Variants in MITF observed in about 807,000 individuals in gnomAD.
MITF encodes the protein microphthalmia-associated transcription factor.
MITF carries 17 observed loss-of-function variants against 60.5 expected under a neutral mutation model. The ratio of observed to expected loss-of-function variants is 0.28; its 90% CI spans 0.19 to 0.42. The LOEUF (loss-of-function observed/expected upper bound fraction) is 0.42, where lower values mean the gene tolerates loss of function less well. Among genes scored for constraint, MITF ranks in the 10% least tolerant of loss-of-function variants. The pLI, the probability that MITF is intolerant of heterozygous loss-of-function variation, is 1.00. For synonymous variants in MITF, 260 were observed against 248.5 expected (o/e 1.05, Z -0.43); for missense variants, 622 against 683.5 (o/e 0.91, Z 1.00).
At chr3:69,879,881 ACTGAAGTGAGTTGT>A (rs1313235711) in intron 2 of MITF, among the ~76,000 whole-genome samples, 1 of 152,160 alleles carries the variant, frequency 6.6e-6, no homozygotes, top group African/African-American at 2.4e-5. Context: ...TAATCCTTTT[ACTGAAGTGAGTTGT>A]CTGCTTTGGG....
At chr3:69,838,124 G>A (rs2063567986) in intron 1 of MITF, among the ~76,000 whole-genome samples, 1 of 152,154 alleles carries the variant, frequency 6.6e-6, no homozygotes, top group Non-Finnish European at 1.5e-5. Flanking sequence ...AATGAAAGAA[G>A]ATAGAGTAGA....
At chr3:69,793,194 T>G (rs944909339) in intron 1 of MITF, among the ~76,000 whole-genome samples, 6 of 151,456 alleles carry the variant, frequency 4.0e-5, no homozygotes, top group Admixed American at 3.9e-4. Flanking sequence ...TTTTGTATTT[T>G]TTGTAGAGAT....
At chr3:69,868,635 T>G (rs992391972) in intron 1 of MITF, among the ~76,000 whole-genome samples, 4 of 152,122 alleles carry the variant, frequency 2.6e-5, no homozygotes, top group Admixed American at 2.6e-4. Flanking sequence ...GCGCGGTGGC[T>G]CACGCCTGTA....
rs182612842 is a variant in MITF at position 69,919,940 on chromosome 3, T to C, written c.355-17882T>C. On this transcript the variant is annotated intron_variant, in intron 2 of 9. Coordinates refer to ENST00000352241, the MANE Select transcript of MITF (RefSeq NM_001354604.2). ...ACCGAGGACACCAGCTGTTCCAGTATAATAAAATATAAAACAAGAATAGTT... is the reference window on the plus strand; with the variant it reads ...ACCGAGGACACCAGCTGTTCCAGTACAATAAAATATAAAACAAGAATAGTT... Among the ~76,000 whole-genome samples, 5 of 152,300 alleles carry C rather than the reference T, an allele frequency of 3.3e-5. No individual in the cohort carries two copies. In the East Asian group the frequency reaches 9.6e-4, roughly 29 times the overall value.
chr3:69,895,523 A>G (rs2064854383), intron 2 of MITF, among the ~76,000 whole-genome samples: 1 of 151,982 alleles, frequency 6.6e-6, no homozygotes, highest in Non-Finnish European at 1.5e-5. Flanking sequence ...CCTAAAGTCT[A>G]TATTAAATAT....
intron 1 of MITF, among the ~76,000 whole-genome samples, chr3:69,753,599 A>G (rs1469334873): frequency 1.3e-5 from 2 of 152,224 alleles, no homozygotes; most frequent in Admixed American, 1.3e-4. Context: ...TGAACCCTGC[A>G]AAGCCACAGG....
intron 5 of MITF, among the ~76,000 whole-genome samples, chr3:69,944,890 AT>A: frequency 6.6e-6 from 1 of 151,658 alleles, no homozygotes; most frequent in African/African-American, 2.4e-5. Context: ...ACCTATTAAC[AT>A]TTTAATTTTT....
At chr3:69,961,101 G>A (rs2066531060) in intron 9 of MITF, among the ~76,000 whole-genome samples, 1 of 152,162 alleles carries the variant, frequency 6.6e-6, no homozygotes, top group Non-Finnish European at 1.5e-5. Flanking sequence ...AAAGCAGCTT[G>A]TGGGCCGGGC....
chr3:69,927,264 C>T (rs1193105510), intron 2 of MITF, among the ~76,000 whole-genome samples: 1 of 152,032 alleles, frequency 6.6e-6, no homozygotes, highest in Non-Finnish European at 1.5e-5. Context: ...TAGATTAACA[C>T]AGTAACGGAA....
chr3:69,906,389 ATTGTTTTTTG>A (rs1003182916), intron 2 of MITF, among the ~76,000 whole-genome samples: 10 of 152,070 alleles, frequency 6.6e-5, no homozygotes, highest in African/African-American at 1.9e-4. Context: ...TGACCTCCAA[ATTGTTTTTTG>A]TTGTTTTTTG....
chr3:69,829,836 A>G (rs1168196958), intron 1 of MITF, among the ~76,000 whole-genome samples: 2 of 152,140 alleles, frequency 1.3e-5, no homozygotes, highest in Non-Finnish European at 2.9e-5. Context: ...CCAGGTAACA[A>G]ATGTAGGTGA....
At chr3:69,893,212 C>A (rs987782134) in intron 2 of MITF, among the ~76,000 whole-genome samples, 13 of 152,168 alleles carry the variant, frequency 8.5e-5, no homozygotes, top group African/African-American at 3.1e-4. Flanking sequence ...CATAAGATAT[C>A]CCCTGAGGAC....
At chr3:69,920,936 C>T (rs1023573286) in intron 2 of MITF, among the ~76,000 whole-genome samples, 6 of 152,170 alleles carry the variant, frequency 3.9e-5, no homozygotes, top group Non-Finnish European at 7.4e-5. Context: ...GGCTCGACCT[C>T]GGCTCACTGC....
At chr3:69,912,129 A>C (rs899886134) in intron 2 of MITF, among the ~76,000 whole-genome samples, 1 of 152,238 alleles carries the variant, frequency 6.6e-6, no homozygotes, top group Non-Finnish European at 1.5e-5. Context: ...TGATAAAAGC[A>C]AGTTTGTTCA....
intron 1 of MITF, 25 bp downstream of exon 1, chr3:69,739,726 G>T (rs200190536): frequency 1.3e-6 from 2 of 1,525,382 alleles, no homozygotes; most frequent in Non-Finnish European, 1.8e-6. Context: ...CTGGGCAGAG[G>T]CGCACCGGGC....
At chr3:69,772,039 G>C (rs1362171597) in intron 1 of MITF, among the ~76,000 whole-genome samples, 1 of 152,154 alleles carries the variant, frequency 6.6e-6, no homozygotes, top group African/African-American at 2.4e-5. Flanking sequence ...TTTAAGTTTG[G>C]ACAAGTTGTT....
At chr3:69,810,743 TTGAC>T (rs1409000763) in intron 1 of MITF, among the ~76,000 whole-genome samples, 5 of 152,146 alleles carry the variant, frequency 3.3e-5, no homozygotes, top group African/African-American at 9.7e-5. Flanking sequence ...AGTTGTTCAT[TTGAC>T]AGATATTTAC....
At chr3:69,875,426 A>G (rs890270463) in intron 1 of MITF, among the ~76,000 whole-genome samples, 9 of 152,194 alleles carry the variant, frequency 5.9e-5, no homozygotes, top group Admixed American at 1.3e-4. Flanking sequence ...TTTAAACTCT[A>G]TGAGATTAGA....
chr3:69,956,364 A>T, intron 7 of MITF, 91 bp from the exon 8 acceptor site: 1 of 1,000,062 alleles, frequency 1.0e-6, no homozygotes, highest in African/African-American at 1.6e-5. Flanking sequence ...CATGACCTGG[A>T]GAAGTTAATA....
Sources: gnomAD v4.1 joint callset for allele counts (sites outside exome capture counted in the v4.1 genomes callset) on GRCh38, gnomAD v4.1.1 for gene constraint, MANE v1.5 for transcripts, NCBI Gene and HGNC (gene_info 2026-07-23, HGNC 2026-07-21) for gene names.